Variants in MPZL1 observed in about 807,000 individuals in gnomAD.
MPZL1 encodes the protein myelin protein zero like 1.
MPZL1 carries 16 observed loss-of-function variants against 29.3 expected under a neutral mutation model. That is an observed-to-expected ratio of 0.55 (90% CI 0.37 to 0.83). MPZL1 has a LOEUF of 0.83. MPZL1 is among the 40% of genes least tolerant of loss of function. The probability of loss-of-function intolerance (pLI) is 0.00; values close to 1 mark genes in which losing one functional copy is unlikely to be tolerated. For synonymous variants in MPZL1, 143 were observed against 132.0 expected (o/e 1.08, Z -0.57); for missense variants, 279 against 332.9 (o/e 0.84, Z 1.26).
intron 1 of MPZL1, 103 bp downstream of exon 1, chr1:167,722,345 G>A (rs1335377916): frequency 8.2e-7 from 1 of 1,226,636 alleles, no homozygotes; most frequent in Non-Finnish European, 1.0e-6. Context: ...ACTGAGAGCC[G>A]AGGTGGGGAG....
chr1:167,735,612 A>G (rs1039064654), intron 1 of MPZL1, among the ~76,000 whole-genome samples: 6 of 152,194 alleles, frequency 3.9e-5, no homozygotes, highest in Non-Finnish European at 8.8e-5. Flanking sequence ...GAGGCTTGGT[A>G]AGTCCAAAAT....
chr1:167,760,011 T>C (rs1051826031), intron 1 of MPZL1, among the ~76,000 whole-genome samples: 1 of 152,038 alleles, frequency 6.6e-6, no homozygotes, highest in Non-Finnish European at 1.5e-5. Flanking sequence ...TGATCCAACC[T>C]GAATTTTAAT....
chr1:167,759,487 G>A lies in MPZL1; in HGVS notation c.92-6096G>A, dbSNP rs34338192. ...ACTGCATAGAATACAGCCTGAGAGGGAAACCTGTGATTTAGTTTCTCTCTT... is the reference window on the plus strand; with the variant it reads ...ACTGCATAGAATACAGCCTGAGAGGAAAACCTGTGATTTAGTTTCTCTCTT... On this transcript the variant is annotated intron_variant, in intron 1 of 5. Coordinates refer to ENST00000359523, the MANE Select transcript of MPZL1 (RefSeq NM_003953.6). 7.9e-3 allele frequency among the ~76,000 whole-genome samples: 1,204 copies of A among 152,298 alleles called. 14 individuals are homozygous for A. The highest frequency in any genetic ancestry group is 0.014 in the Middle Eastern group (4 of 294).
intron 1 of MPZL1, among the ~76,000 whole-genome samples, chr1:167,760,327 C>A (rs894267953): frequency 6.6e-6 from 1 of 151,004 alleles, no homozygotes; most frequent in Non-Finnish European, 1.5e-5. Flanking sequence ...CTCAGCCTTC[C>A]GATTAGCTGG....
Position 167,755,763 on chromosome 1 carries a change from C to A in MPZL1, c.92-9820C>A, listed in dbSNP as rs573266263. Reference sequence around the variant, plus strand: ...AATAGCACTTTGTGCATCCCAGGGGCCAGCCACGGTGCTTCTGCAGCCGCA... The same window carrying A: ...AATAGCACTTTGTGCATCCCAGGGGACAGCCACGGTGCTTCTGCAGCCGCA... On this transcript the variant is annotated intron_variant, in intron 1 of 5. Coordinates refer to ENST00000359523, the MANE Select transcript of MPZL1 (RefSeq NM_003953.6). Among the ~76,000 whole-genome samples the A allele has an allele frequency of 1.2e-4, 19 of 152,288 alleles. 1 individual carries two copies. Among genetic ancestry groups the A allele is most frequent in the African/African-American group, 4.6e-4 (19 of 41,554 alleles).
In MPZL1 at chr1:167,790,501, C is replaced by G. The variant is rs140274317; in HGVS notation, c.*2580C>G. 8.5e-5 allele frequency: 13 copies of G among 152,426 alleles called. No homozygotes were observed. The East Asian group carries it at 2.1e-3, about 25-fold the overall frequency. The allele number at this position is 152,426 out of a possible 1,614,324, so 9.4% of individuals were successfully genotyped here. ...GGACCTCTTCCCAAGCCCTGCACAC[C>G]CACCCCTGCAGCCCTTTTGGCTCCC... is the stretch of plus-strand genomic sequence containing the variant. On this transcript the variant is annotated 3_prime_UTR_variant, in exon 6 of 6. Coordinates refer to ENST00000359523, the MANE Select transcript of MPZL1 (RefSeq NM_003953.6).
At chr1:167,771,131 G>A (rs997815572) in intron 2 of MPZL1, among the ~76,000 whole-genome samples, 2 of 151,990 alleles carry the variant, frequency 1.3e-5, no homozygotes, top group Non-Finnish European at 2.9e-5. Flanking sequence ...CTAGGCAGAG[G>A]TCCCTGCGGC....
At chr1:167,736,148 C>T (rs757890183) in intron 1 of MPZL1, among the ~76,000 whole-genome samples, 4 of 152,168 alleles carry the variant, frequency 2.6e-5, no homozygotes, top group Non-Finnish European at 4.4e-5. Flanking sequence ...TCCTGGTTCT[C>T]ATCTCTCTTC....
At chr1:167,764,180 A>G (rs1338440054) in intron 1 of MPZL1, among the ~76,000 whole-genome samples, 1 of 152,180 alleles carries the variant, frequency 6.6e-6, no homozygotes, top group African/African-American at 2.4e-5. Flanking sequence ...TTTTGGGCCA[A>G]ATAAGTTTTT....
intron 5 of MPZL1, among the ~76,000 whole-genome samples, chr1:167,780,247 C>A (rs1272813186): frequency 6.6e-6 from 1 of 152,096 alleles, no homozygotes; most frequent in Non-Finnish European, 1.5e-5. Flanking sequence ...TAAACTCAAC[C>A]AGACTGATGA....
intron 1 of MPZL1, among the ~76,000 whole-genome samples, chr1:167,727,156 A>G (rs1660164691): frequency 1.3e-5 from 2 of 152,232 alleles, no homozygotes; most frequent in South Asian, 4.1e-4. Context: ...AGTTTTAAAA[A>G]CATGATTTAA....
chr1:167,772,723 C>T (rs1661278817), intron 3 of MPZL1, among the ~76,000 whole-genome samples: 1 of 152,100 alleles, frequency 6.6e-6, no homozygotes, highest in Admixed American at 6.5e-5. Flanking sequence ...CGTCTGGTGC[C>T]TATTGGTCTA....
chr1:167,741,596 ATT>A (rs1660527746), intron 1 of MPZL1, among the ~76,000 whole-genome samples: 1 of 151,956 alleles, frequency 6.6e-6, no homozygotes, highest in East Asian at 1.9e-4. Context: ...AAGTGTTGGG[ATT>A]ACAGGCATGA....
chr1:167,727,676 C>G (rs575470752), intron 1 of MPZL1, among the ~76,000 whole-genome samples: 3 of 152,156 alleles, frequency 2.0e-5, no homozygotes, highest in African/African-American at 7.2e-5. Context: ...TCTTACTTTG[C>G]TAAGTCGTTT....
intron 2 of MPZL1, among the ~76,000 whole-genome samples, chr1:167,771,734 C>T (rs1037530271): frequency 2.6e-5 from 4 of 152,124 alleles, no homozygotes; most frequent in East Asian, 1.9e-4. Flanking sequence ...GGCAGCTGGG[C>T]AGAGGCTGTA....
chr1:167,725,151 T>G (rs1660114882), intron 1 of MPZL1, among the ~76,000 whole-genome samples: 3 of 152,228 alleles, frequency 2.0e-5, no homozygotes, highest in African/African-American at 4.8e-5. Flanking sequence ...TTCCCTGTCC[T>G]TCACATCCAA....
intron 1 of MPZL1, among the ~76,000 whole-genome samples, chr1:167,764,623 T>C (rs934759206): frequency 1.3e-5 from 2 of 152,152 alleles, no homozygotes; most frequent in African/African-American, 4.8e-5. Context: ...TACATATGGA[T>C]GATGAGAAAA....
Position 167,772,404 on chromosome 1 carries a change from A to G in MPZL1, c.388A>G (p.Asn130Asp), listed in dbSNP as rs1402673525. ...CATAGAAAATATGCAGTTTATACAC[A>G]ATGGCACCTATATCTGTGATGTCAA... ...INIENMQFIH[N>D]GTYICDVKNP... The change falls in exon 3 of 6, where the codon AAT becomes GAT. Residue 130 changes from asparagine (N) to aspartate (D), a missense_variant. Coordinates refer to ENST00000359523, the MANE Select transcript of MPZL1 (RefSeq NM_003953.6). 3 of 1,613,992 alleles carry G rather than the reference A, an allele frequency of 1.9e-6. No individual in the cohort carries two copies. The African/African-American group carries it at 4.0e-5, about 22-fold the overall frequency.
At position 167,771,127 on chromosome 1, in the gene MPZL1, A is replaced by G. The variant is rs749390023; in HGVS notation, c.259-1148A>G. ...ACAAAGGTCTCTGGTTTTCCTAGGC[A>G]GAGGTCCCTGCGGCCTTCCGCAGTG... On this transcript the variant is annotated intron_variant, in intron 2 of 5. Coordinates refer to ENST00000359523, the MANE Select transcript of MPZL1 (RefSeq NM_003953.6). Among the ~76,000 whole-genome samples, 33 of 151,960 alleles carry G rather than the reference A, an allele frequency of 2.2e-4. 1 individual carries two copies. The highest frequency in any genetic ancestry group is 2.0e-4 in the Admixed American group (3 of 15,258).
Sources: gnomAD v4.1 joint callset for allele counts (sites outside exome capture counted in the v4.1 genomes callset) on GRCh38, gnomAD v4.1.1 for gene constraint, MANE v1.5 for transcripts, NCBI Gene and HGNC (gene_info 2026-07-23, HGNC 2026-07-21) for gene names.